WDPCP: variants seen among roughly 807,000 people sequenced by gnomAD.
The protein encoded by WDPCP is WD repeat-containing and planar cell polarity effector protein fritz homolog.
In WDPCP, 71 loss-of-function variants were observed where a neutral mutation model predicts 93.1. That is an observed-to-expected ratio of 0.76 (90% CI 0.63 to 0.93). The LOEUF (loss-of-function observed/expected upper bound fraction) is 0.93. Ranked by LOEUF, WDPCP falls within the 40% of genes least tolerant of loss-of-function variation. The pLI, the probability that WDPCP is intolerant of heterozygous loss-of-function variation, is 0.00. For synonymous variants in WDPCP, 315 were observed against 315.0 expected, an observed-to-expected ratio of 1.00 and a Z score of 0.00; for missense variants, 844 against 887.4, an observed-to-expected ratio of 0.95 and a Z score of 0.62.
At chr2:63,797,308 G>A (rs1281752660) in intron 2 of WDPCP, among the ~76,000 whole-genome samples, 2 of 152,040 alleles carry the variant, frequency 1.3e-5, no homozygotes, top group African/African-American at 2.4e-5. Context: ...AAAGGGAGAG[G>A]AAAGAGTAAA....
intron 1 of WDPCP, among the ~76,000 whole-genome samples, chr2:63,528,626 T>C (rs1371177217): frequency 6.6e-6 from 1 of 152,226 alleles, no homozygotes; most frequent in East Asian, 1.9e-4. Context: ...GGACTTGTAG[T>C]ATAGTTTGAA....
At chr2:63,131,542 A>AT (rs1432896896) in intron 17 of WDPCP, among the ~76,000 whole-genome samples, 17 of 151,998 alleles carry the variant, frequency 1.1e-4, no homozygotes, top group Admixed American at 3.3e-4. Flanking sequence ...AGATTTATAG[A>AT]TTTTTTGTGT....
chr2:63,241,912 A>AT (rs1428826885), intron 14 of WDPCP, among the ~76,000 whole-genome samples: 4 of 152,146 alleles, frequency 2.6e-5, no homozygotes, highest in Non-Finnish European at 2.9e-5. Context: ...CTTTAATGCC[A>AT]TTTTAGGAAG....
chr2:63,341,089 C>A (rs903011266), intron 12 of WDPCP, among the ~76,000 whole-genome samples: 2 of 152,156 alleles, frequency 1.3e-5, no homozygotes, highest in African/African-American at 4.8e-5. Flanking sequence ...TCTACTCTGA[C>A]AGAAACTGTT....
chr2:63,264,902 C>T (rs1280886325), intron 13 of WDPCP, among the ~76,000 whole-genome samples: 2 of 152,146 alleles, frequency 1.3e-5, no homozygotes, highest in African/African-American at 2.4e-5. Flanking sequence ...AACTATAAAT[C>T]AGTAACAGGA....
intron 14 of WDPCP, among the ~76,000 whole-genome samples, chr2:63,213,519 C>A (rs943039583): frequency 2.0e-5 from 3 of 152,116 alleles, no homozygotes; most frequent in African/African-American, 7.2e-5. Context: ...CAAGAGAAAG[C>A]AGGAAAGATC....
intron 2 of WDPCP, among the ~76,000 whole-genome samples, chr2:63,710,489 C>G (rs1214280966): frequency 2.0e-5 from 3 of 152,190 alleles, no homozygotes; most frequent in Non-Finnish European, 4.4e-5. Context: ...TAAACAGTGC[C>G]TTGACTACTC....
intron 1 of WDPCP, among the ~76,000 whole-genome samples, chr2:63,572,724 A>AAAAAAAAAAAAAAAAAAAAAAAT: frequency 6.8e-6 from 1 of 148,052 alleles, no homozygotes; most frequent in Admixed American, 6.7e-5. Flanking sequence ...AAAAAAAAAA[A>AAAAAAAAAAAAAAAAAAAAAAAT]AAGTTGGACA....
At chr2:63,251,560 C>T (rs761617444) in intron 14 of WDPCP, among the ~76,000 whole-genome samples, 1 of 142,232 alleles carries the variant, frequency 7.0e-6, no homozygotes, top group Non-Finnish European at 1.5e-5. Context: ...GGCATGATCT[C>T]GGCTCACTGC....
intron 2 of WDPCP, among the ~76,000 whole-genome samples, chr2:63,730,080 A>G (rs2103819972): frequency 1.3e-5 from 2 of 152,260 alleles, no homozygotes; most frequent in South Asian, 4.1e-4. Context: ...AGACAAGTAG[A>G]AAAAGAGTAA....
chr2:63,398,408 C>G (rs1002154809), intron 10 of WDPCP, among the ~76,000 whole-genome samples: 1 of 152,112 alleles, frequency 6.6e-6, no homozygotes, highest in Non-Finnish European at 1.5e-5. Flanking sequence ...TATAAAACAA[C>G]ATTTCTTGGC....
rs542069660 is a variant in WDPCP at position 63,421,166 on chromosome 2, C to T, written c.825+12579G>A. 1.9e-4 allele frequency among the ~76,000 whole-genome samples: 29 copies of T among 152,182 alleles called. No individual in the cohort carries two copies. In the East Asian group the frequency reaches 5.2e-3, roughly 27 times the overall value. On this transcript the variant is annotated intron_variant, in intron 9 of 17. Transcript: ENST00000272321. ...AATGGATACCTCTCTTATTTGTAAT[C>T]GTTTTCAATGAAATCTGTCATTTGT...
chr2:63,356,023 C>T (rs2104603535), intron 12 of WDPCP, among the ~76,000 whole-genome samples: 1 of 152,270 alleles, frequency 6.6e-6, no homozygotes, highest in Middle Eastern at 3.4e-3. Flanking sequence ...ATGCTGTCTT[C>T]AAGAGACCCA....
At position 63,382,040 on chromosome 2, in the gene WDPCP, T is replaced by G; in HGVS notation, c.1490A>C (p.His497Pro). The change falls in exon 11 of 18, where the codon CAC becomes CCC. Residue 497 changes from histidine (H) to proline (P), a missense_variant. Coordinates refer to ENST00000272321, the MANE Select transcript of WDPCP (RefSeq NM_015910.7). Reference protein sequence around the residue: ...GLIDIIFQYIHCDEIYEAINI... With the variant: ...GLIDIIFQYIPCDEIYEAINI... ...TATTGCCTCATAGATCTCATCACAG[T>G]GAATGTACTGGAAGATGATGTCTAT... is the stretch of plus-strand genomic sequence containing the variant. The G allele has an allele frequency of 6.2e-7, 1 of 1,613,414 alleles. No individual in the cohort carries two copies. The highest frequency in any genetic ancestry group is 2.2e-5 in the East Asian group (1 of 44,762).
chr2:63,216,969 T>A (rs1322259280), intron 14 of WDPCP, among the ~76,000 whole-genome samples: 2 of 152,208 alleles, frequency 1.3e-5, no homozygotes, highest in Non-Finnish European at 2.9e-5. Context: ...ATTGGTAGGA[T>A]TCTTGAACCT....
At chr2:63,548,090 AT>A (rs1260292770) in intron 1 of WDPCP, among the ~76,000 whole-genome samples, 1 of 152,144 alleles carries the variant, frequency 6.6e-6, no homozygotes, top group African/African-American at 2.4e-5. Context: ...AACTTAAGAC[AT>A]ATAACTCAAA....
intron 1 of WDPCP, among the ~76,000 whole-genome samples, chr2:63,561,626 C>A (rs1190230001): frequency 6.6e-6 from 1 of 152,046 alleles, no homozygotes; most frequent in Non-Finnish European, 1.5e-5. Flanking sequence ...TGCAATCTAT[C>A]CATCTGACAA....
intron 13 of WDPCP, among the ~76,000 whole-genome samples, chr2:63,281,235 T>G (rs980310081): frequency 6.6e-6 from 1 of 152,170 alleles, no homozygotes; most frequent in African/African-American, 2.4e-5. Flanking sequence ...GGAAAATGCT[T>G]AACATCACTA....
intron 3 of WDPCP, chr2:63,597,737 G>T (rs900105162): frequency 2.1e-5 from 11 of 523,604 alleles, no homozygotes; most frequent in Non-Finnish European, 3.3e-5. Context: ...CCCTTTCTGG[G>T]TTTTTTCTTA....
Sources: allele counts gnomAD v4.1 joint callset (sites outside exome capture counted in the v4.1 genomes callset), GRCh38; gene constraint gnomAD v4.1.1; transcripts MANE v1.5; gene names NCBI Gene and HGNC (gene_info 2026-07-23, HGNC 2026-07-21).